Variants in DENND1A observed in about 807,000 individuals in gnomAD.
The protein encoded by DENND1A is DENN domain containing 1A.
A neutral mutation model predicts 113.7 loss-of-function variants in DENND1A; 51 were observed. That is an observed-to-expected ratio of 0.45 (90% confidence interval 0.36 to 0.57). The LOEUF is 0.57. DENND1A is among the 20% of genes least tolerant of loss of function. DENND1A has a pLI of 0.00. For missense variants in DENND1A, 1,258 were observed against 1,395.9 expected, an observed-to-expected ratio of 0.90 and a Z score of 1.57; for synonymous variants, 565 against 570.8, an observed-to-expected ratio of 0.99 and a Z score of 0.14.
rs141909605 is a variant in DENND1A, at chr9:123,469,477, C to CG, written c.994-11581dup. Among the ~76,000 whole-genome samples the CG allele has an allele frequency of 3.4e-3, 514 of 152,356 alleles. 3 individuals are homozygous for CG. The highest frequency in any genetic ancestry group is 4.7e-3 in the Non-Finnish European group (318 of 68,042). ...TTCAAATCACAGGCGTGTCGGCCCA[C>CG]GCCTCGGCTCCTCTGTGCCAGCAGC... is the stretch of plus-strand genomic sequence containing the variant. On this transcript the variant is annotated intron_variant, in intron 13 of 23. Transcript: ENST00000394215.
At chr9:123,451,194 T>C (rs997028400) in intron 17 of DENND1A, among the ~76,000 whole-genome samples, 1 of 152,206 alleles carries the variant, frequency 6.6e-6, no homozygotes, top group African/African-American at 2.4e-5. Flanking sequence ...GTTTCTACAG[T>C]GCCATTTCCT....
rs947348295 is a variant in DENND1A at position 123,422,980 on chromosome 9, C to T, written c.1489-11151G>A. Among the ~76,000 whole-genome samples the T allele has an allele frequency of 6.6e-6, 1 of 152,224 alleles. No homozygotes were observed. The highest frequency in any genetic ancestry group is 1.5e-5 in the Non-Finnish European group (1 of 68,042). On this transcript the variant is annotated intron_variant, in intron 19 of 23. Transcript: ENST00000394215. The surrounding 1 kb of genome is among the most constrained non-coding windows in gnomAD (Gnocchi z 4.8). The stretch of plus-strand genomic sequence containing the variant: ...ACCAACTGCTGGAAAATCTCACTGT[C>T]AAATCCTCAAGGACATTGTCAGCGC...
intron 2 of DENND1A, among the ~76,000 whole-genome samples, chr9:123,859,359 G>T (rs1038681618): frequency 6.6e-6 from 1 of 150,454 alleles, no homozygotes; most frequent in Non-Finnish European, 1.5e-5. Context: ...ATTTGCATGG[G>T]GTTTACATTT....
Position 123,454,723 on chromosome 9 carries a change from T to A in DENND1A, c.1227+16A>T, listed in dbSNP as rs770700675. On this transcript the variant is annotated intron_variant, in intron 16 of 23. Coordinates refer to ENST00000394215, the MANE Select transcript of DENND1A (RefSeq NM_001352964.2). ...AGGAGGGAGTCCAGGGGGCTCTGAA[T>A]TGGGTGCATGCTTACCCGGACAGTG... is the stretch of plus-strand genomic sequence containing the variant. 5 of 1,553,372 alleles carry A rather than the reference T, an allele frequency of 3.2e-6. No individual in the cohort carries two copies. The East Asian group carries it at 9.7e-5, about 30-fold the overall frequency.
chr9:123,821,311 A>T (rs1838423694), intron 2 of DENND1A, among the ~76,000 whole-genome samples: 1 of 152,186 alleles, frequency 6.6e-6, no homozygotes, highest in Non-Finnish European at 1.5e-5. Flanking sequence ...AAAATTATAT[A>T]TATATCTCTT....
At chr9:123,480,980 G>A (rs1564568417) in intron 13 of DENND1A, among the ~76,000 whole-genome samples, 1 of 152,142 alleles carries the variant, frequency 6.6e-6, no homozygotes, top group East Asian at 1.9e-4. Context: ...CGCACACATT[G>A]TTTAAAAAAA....
chr9:123,579,378 GT>G (rs2058777642), intron 12 of DENND1A, among the ~76,000 whole-genome samples: 1 of 152,144 alleles, frequency 6.6e-6, no homozygotes, highest in Non-Finnish European at 1.5e-5. Flanking sequence ...GTAATGGGAA[GT>G]TATAGGAGAA....
At chr9:123,555,862 C>T (rs1236166224) in intron 13 of DENND1A, among the ~76,000 whole-genome samples, 8 of 152,204 alleles carry the variant, frequency 5.3e-5, no homozygotes. Context: ...CTTTGGATTC[C>T]AGATGCACAC....
intron 13 of DENND1A, among the ~76,000 whole-genome samples, chr9:123,544,263 C>T (rs1210297296): frequency 6.6e-6 from 1 of 152,156 alleles, no homozygotes; most frequent in Non-Finnish European, 1.5e-5. Flanking sequence ...ATTATCACTA[C>T]AAATATCAAA....
At chr9:123,552,039 CAGAGAGAGAGAGAGAGAGAGAG>C (rs58452320) in intron 13 of DENND1A, among the ~76,000 whole-genome samples, 24 of 128,428 alleles carry the variant, frequency 1.9e-4, no homozygotes, top group African/African-American at 6.1e-4. Flanking sequence ...GAGAGAGAGA[CAGAGAGAGAGAGAGAGAGAGAG>C]AGAGAGAGGC....
intron 5 of DENND1A, among the ~76,000 whole-genome samples, chr9:123,701,472 G>A (rs1423963529): frequency 6.6e-6 from 1 of 152,090 alleles, no homozygotes; most frequent in Non-Finnish European, 1.5e-5. Context: ...CCCCAATACT[G>A]AGCCTGCCAC....
chr9:123,651,675 T>C lies in DENND1A; in HGVS notation c.618+338A>G, dbSNP rs374114278. ...TCATAATGAACAACCTAAATGGCCA[T>C]CAAGAGAAGGATTTAGTAAATAATG... is the stretch of plus-strand genomic sequence containing the variant. On this transcript the variant is annotated intron_variant, in intron 9 of 23. Transcript: ENST00000394215. Among the ~76,000 whole-genome samples the C allele has an allele frequency of 1.4e-4, 21 of 152,318 alleles. No homozygotes were observed. In the East Asian group the frequency reaches 3.1e-3, roughly 22 times the overall value.
chr9:123,568,167 T>C (rs952835009), intron 12 of DENND1A, among the ~76,000 whole-genome samples: 2 of 152,188 alleles, frequency 1.3e-5, no homozygotes, highest in South Asian at 2.1e-4. Flanking sequence ...TCTAGTGACC[T>C]CTAGGCATGA....
At chr9:123,918,381 G>A (rs1289853532) in intron 1 of DENND1A, among the ~76,000 whole-genome samples, 1 of 151,692 alleles carries the variant, frequency 6.6e-6, no homozygotes, top group Non-Finnish European at 1.5e-5. Flanking sequence ...CCAGCTACTC[G>A]GGAGGCTGAA....
intron 1 of DENND1A, among the ~76,000 whole-genome samples, chr9:123,909,184 T>G (rs996324602): frequency 3.3e-5 from 5 of 151,366 alleles, no homozygotes; most frequent in African/African-American, 1.2e-4. Flanking sequence ...AATATCACAC[T>G]ATGGGGCCTG....
intron 19 of DENND1A, among the ~76,000 whole-genome samples, chr9:123,424,779 G>A (rs532707958): frequency 3.6e-4 from 55 of 152,354 alleles, no homozygotes; most frequent in African/African-American, 1.3e-3. Flanking sequence ...CATCATAACT[G>A]CATCAGTCTT....
At chr9:123,481,985 G>C (rs1003382124) in intron 13 of DENND1A, among the ~76,000 whole-genome samples, 3 of 151,652 alleles carry the variant, frequency 2.0e-5, no homozygotes, top group African/African-American at 7.3e-5. Context: ...TGTATTTTTA[G>C]TAGAGATGGG....
At position 123,671,384 on chromosome 9, in the gene DENND1A, A is replaced by G. The variant is rs1283491507; in HGVS notation, c.373-13T>C. 4 of 1,613,790 alleles carry G rather than the reference A, an allele frequency of 2.5e-6. No homozygotes were observed. Among genetic ancestry groups the G allele is most frequent in the Non-Finnish European group, 3.4e-6 (4 of 1,179,896 alleles). ...TCCACTGATTTTCCTGAAAGAAATA[A>G]AAGGCCTAAGTAACAAAAGCAAGGC... On this transcript the variant is annotated splice_polypyrimidine_tract_variant and intron_variant, in intron 6 of 23. Transcript: ENST00000394215.
intron 5 of DENND1A, among the ~76,000 whole-genome samples, chr9:123,732,802 C>T (rs1387946302): frequency 6.6e-6 from 1 of 152,152 alleles, no homozygotes; most frequent in African/African-American, 2.4e-5. Context: ...GAGAATCCTG[C>T]CAAGGTTTTG....
Sources: allele counts gnomAD v4.1 joint callset (sites outside exome capture counted in the v4.1 genomes callset), GRCh38; gene constraint gnomAD v4.1.1; non-coding constraint Gnocchi (gnomAD v3.1); transcripts MANE v1.5; gene names NCBI Gene and HGNC (gene_info 2026-07-23, HGNC 2026-07-21).